The following RIMBP2 variants were observed in gnomAD, a reference collection of about 807,000 sequenced individuals.
RIMBP2 encodes RIMS binding protein 2, also known as RIMS-binding protein 2.
In RIMBP2, 48 loss-of-function variants were observed where a neutral mutation model predicts 118.6. The observed-to-expected ratio is 0.40, with a 90% CI of 0.32 to 0.51. The LOEUF (loss-of-function observed/expected upper bound fraction) is 0.51. Ranked by LOEUF, RIMBP2 falls within the 20% of genes least tolerant of loss-of-function variation. The pLI, the probability that RIMBP2 is intolerant of heterozygous loss-of-function variation, is 0.41. For synonymous variants in RIMBP2, 762 were observed against 742.9 expected, an observed-to-expected ratio of 1.03 and a Z score of -0.42; for missense variants, 1,551 against 1,768.3, an observed-to-expected ratio of 0.88 and a Z score of 2.20.
chr12:130,711,215 C>G (rs543766651), intron 1 of RIMBP2, among the ~76,000 whole-genome samples: 1 of 152,172 alleles, frequency 6.6e-6, no homozygotes, highest in South Asian at 2.1e-4. Flanking sequence ...TGCATTCCAG[C>G]CTGGGTGACA....
chr12:130,478,304 T>A (rs1404974361), intron 5 of RIMBP2, among the ~76,000 whole-genome samples: 1 of 152,238 alleles, frequency 6.6e-6, no homozygotes, highest in East Asian at 1.9e-4. Flanking sequence ...CAACTCAGTT[T>A]TCTCACTTGA....
chr12:130,485,736 C>T lies in RIMBP2; in HGVS notation c.-3-6720G>A, dbSNP rs113846376. On this transcript the variant is annotated intron_variant, in intron 4 of 22. Coordinates refer to ENST00000690449, the MANE Select transcript of RIMBP2 (RefSeq NM_001393629.1). ...GATTCACCAGGCACCGAAACAGCTC[C>T]GGGCGTGGTCCTGCGGCCTCAGAGT... Among the ~76,000 whole-genome samples the T allele has an allele frequency of 8.2e-3, 1,250 of 152,286 alleles. 19 individuals carry two copies. The highest frequency in any genetic ancestry group is 0.028 in the African/African-American group (1,150 of 41,558).
At chr12:130,509,428 G>A (rs754791652) in intron 3 of RIMBP2, among the ~76,000 whole-genome samples, 6 of 152,160 alleles carry the variant, frequency 3.9e-5, no homozygotes, top group East Asian at 1.9e-4. Context: ...CTTGGGAGAC[G>A]ACCTGGAGAG....
chr12:130,662,233 G>A (rs1240128824), intron 1 of RIMBP2, among the ~76,000 whole-genome samples: 1 of 152,132 alleles, frequency 6.6e-6, no homozygotes, highest in Non-Finnish European at 1.5e-5. Context: ...TCAGTCTGGG[G>A]CAATTCTCGC....
intron 2 of RIMBP2, among the ~76,000 whole-genome samples, chr12:130,544,601 T>A (rs2054932757): frequency 6.9e-6 from 1 of 145,430 alleles, no homozygotes; most frequent in Non-Finnish European, 1.5e-5. Context: ...GAGGCCTTTT[T>A]TTTTTTTTTT....
intron 5 of RIMBP2, among the ~76,000 whole-genome samples, chr12:130,471,179 C>T (rs975569763): frequency 6.6e-6 from 1 of 152,240 alleles, no homozygotes; most frequent in East Asian, 1.9e-4. Context: ...ATGCAACAGG[C>T]CTTGGCACCT....
intron 2 of RIMBP2, among the ~76,000 whole-genome samples, chr12:130,540,670 T>G (rs1198334563): frequency 6.6e-6 from 1 of 152,156 alleles, no homozygotes; most frequent in East Asian, 1.9e-4. Flanking sequence ...TCCCCACACA[T>G]GGCTAAATTT....
In RIMBP2 at chr12:130,446,197, A is replaced by C. The variant is rs375072736; in HGVS notation, c.582-928T>G. ...AATTAACTTAAAATAACAGCGAAGAACTCATTAAAAAATGAAAATAACATT... is the reference window on the plus strand; with the variant it reads ...AATTAACTTAAAATAACAGCGAAGACCTCATTAAAAAATGAAAATAACATT... On this transcript the variant is annotated intron_variant, in intron 9 of 22. Coordinates refer to ENST00000690449, the MANE Select transcript of RIMBP2 (RefSeq NM_001393629.1). This position sits in a 1 kb window ranked among gnomAD's most constrained non-coding sequence, Gnocchi z 4.1. Among the ~76,000 whole-genome samples, 1 of 152,224 alleles carries C rather than the reference A, an allele frequency of 6.6e-6. No individual in the cohort carries two copies. The highest frequency in any genetic ancestry group is 2.4e-5 in the African/African-American group (1 of 41,452).
chr12:130,701,972 C>T (rs950263970), intron 1 of RIMBP2, among the ~76,000 whole-genome samples: 4 of 152,032 alleles, frequency 2.6e-5, no homozygotes, highest in African/African-American at 4.8e-5. Flanking sequence ...CAAGGCCCAC[C>T]AAAACATAAT....
intron 2 of RIMBP2, among the ~76,000 whole-genome samples, chr12:130,587,595 C>T (rs1223830204): frequency 1.1e-5 from 1 of 88,388 alleles, no homozygotes. Context: ...AACCAAACAC[C>T]GCATATTCTC....
chr12:130,441,082 T>A (rs1003673413), intron 11 of RIMBP2, among the ~76,000 whole-genome samples: 3 of 152,098 alleles, frequency 2.0e-5, no homozygotes, highest in Non-Finnish European at 2.9e-5. Context: ...CGAAAATAGC[T>A]TCTGTGATGA....
intron 2 of RIMBP2, among the ~76,000 whole-genome samples, chr12:130,589,846 A>G (rs1237436130): frequency 6.6e-6 from 1 of 152,156 alleles, no homozygotes; most frequent in East Asian, 1.9e-4. Context: ...CAGGCTTTGC[A>G]AACTTATCTT....
intron 4 of RIMBP2, among the ~76,000 whole-genome samples, chr12:130,489,578 A>G (rs896627037): frequency 6.6e-6 from 1 of 152,042 alleles, no homozygotes; most frequent in African/African-American, 2.4e-5. Context: ...TAGAGGCTCC[A>G]TCTCCTGTCT....
At position 130,396,735 on chromosome 12, in the gene RIMBP2, A is replaced by AAAC. The variant is rs1183791266; in HGVS notation, c.*623_*625dup. On this transcript the variant is annotated 3_prime_UTR_variant, in exon 23 of 23. Coordinates refer to ENST00000690449, the MANE Select transcript of RIMBP2 (RefSeq NM_001393629.1). ...TTTTCTCTTTTTTGAATGATTGAGT[A>AAAC]AACATTTTCTGTGTGTAGCCTGGCT... 1 of 152,662 alleles carries AAAC rather than the reference A, an allele frequency of 6.6e-6. No individual in the cohort carries two copies. Among genetic ancestry groups the AAAC allele is most frequent in the Non-Finnish European group, 1.5e-5 (1 of 68,040 alleles). 9.5% of individuals were successfully genotyped at this position (152,662 alleles called of 1,614,324 possible).
intron 3 of RIMBP2, among the ~76,000 whole-genome samples, chr12:130,515,942 C>T (rs1566179658): frequency 6.6e-6 from 1 of 152,222 alleles, no homozygotes; most frequent in Non-Finnish European, 1.5e-5. Flanking sequence ...AGGTGATCCA[C>T]TCACCTCAGC....
Position 130,632,285 on chromosome 12 carries a change from A to T in RIMBP2, c.-351-3829T>A, listed in dbSNP as rs1008629249. ...CAAATCCTTACCTCCACCAACACAC[A>T]TCCTATTCTGCTCCTCTAAGGAATC... On this transcript the variant is annotated intron_variant, in intron 1 of 22. Coordinates refer to ENST00000690449, the MANE Select transcript of RIMBP2 (RefSeq NM_001393629.1). Among the ~76,000 whole-genome samples, 5 of 152,208 alleles carry T rather than the reference A, an allele frequency of 3.3e-5. No individual in the cohort carries two copies. In the East Asian group the frequency reaches 9.6e-4, roughly 29 times the overall value.
At chr12:130,406,332 A>G (rs2075171902) in intron 20 of RIMBP2, 89 bp from the exon 21 acceptor site, 2 of 829,804 alleles carry the variant, frequency 2.4e-6, no homozygotes, top group Non-Finnish European at 3.9e-6. Flanking sequence ...TTCCCTTACT[A>G]TTTGAGAATT....
intron 1 of RIMBP2, among the ~76,000 whole-genome samples, chr12:130,694,262 C>T (rs1056041881): frequency 4.6e-5 from 7 of 152,180 alleles, no homozygotes; most frequent in Admixed American, 3.9e-4. Context: ...ACCAGGGGAA[C>T]GAGCCATAAA....
intron 1 of RIMBP2, among the ~76,000 whole-genome samples, chr12:130,647,553 G>A (rs150800502): frequency 0.019 from 2,701 of 144,690 alleles, 212 homozygotes; most frequent in African/African-American, 0.063. Context: ...GAGAGCGGAG[G>A]ACTGAGCTCT....
Sources: allele counts gnomAD v4.1 joint callset (sites outside exome capture counted in the v4.1 genomes callset), GRCh38; gene constraint gnomAD v4.1.1; non-coding constraint Gnocchi (gnomAD v3.1); transcripts MANE v1.5; gene names NCBI Gene and HGNC (gene_info 2026-07-23, HGNC 2026-07-21).